The following NEDD4 variants were observed in gnomAD, a reference collection of about 807,000 sequenced individuals.
The protein encoded by NEDD4 is NEDD4 E3 ubiquitin protein ligase.
NEDD4 carries 99 observed loss-of-function variants against 144.9 expected under a neutral mutation model. The observed-to-expected ratio is 0.68, with a 90% CI of 0.58 to 0.81. NEDD4 has a LOEUF of 0.81. Among genes scored for constraint, NEDD4 ranks in the 30% least tolerant of loss-of-function variants. The pLI is 0.00. For synonymous variants in NEDD4, 318 were observed against 350.6 expected, an observed-to-expected ratio of 0.91 and a Z score of 1.04; for missense variants, 985 against 1,065.9, an observed-to-expected ratio of 0.92 and a Z score of 1.06.
intron 11 of NEDD4, among the ~76,000 whole-genome samples, chr15:55,857,543 G>A (rs1219578019): frequency 3.9e-5 from 6 of 152,042 alleles, no homozygotes; most frequent in Non-Finnish European, 7.4e-5. Flanking sequence ...GGCTGGTCTC[G>A]AACTCCTAAC....
intron 5 of NEDD4, among the ~76,000 whole-genome samples, chr15:55,915,094 A>C (rs2036393362): frequency 6.6e-6 from 1 of 152,146 alleles, no homozygotes; most frequent in African/African-American, 2.4e-5. Context: ...CTGGTAAAAT[A>C]ACAAATAGAG....
chr15:55,870,514 C>T (rs183597267), intron 7 of NEDD4, among the ~76,000 whole-genome samples: 1,092 of 94,174 alleles, frequency 0.012, 15 homozygotes, highest in African/African-American at 0.032. Context: ...CTTTTTTTTT[C>T]TTCTTCTTCT....
intron 2 of NEDD4, among the ~76,000 whole-genome samples, chr15:55,956,367 A>G (rs1417106198): frequency 1.3e-5 from 2 of 152,084 alleles, no homozygotes; most frequent in Non-Finnish European, 2.9e-5. Context: ...GGTACTGTTC[A>G]CGTAAACTTT....
intron 2 of NEDD4, among the ~76,000 whole-genome samples, chr15:55,965,747 G>T (rs867409129): frequency 1.3e-5 from 2 of 152,044 alleles, no homozygotes; most frequent in Non-Finnish European, 1.5e-5. Context: ...TGTTGCCCAG[G>T]CTAGAGTGCA....
intron 5 of NEDD4, among the ~76,000 whole-genome samples, chr15:55,922,228 T>C (rs545524681): frequency 1.3e-5 from 2 of 152,286 alleles, no homozygotes; most frequent in East Asian, 1.9e-4. Flanking sequence ...TTTCAGAATA[T>C]AGAAAATTAT....
chr15:55,916,359 T>C, intron 5 of NEDD4: 2 of 1,614,050 alleles, frequency 1.2e-6, no homozygotes, highest in Non-Finnish European at 8.5e-7. Flanking sequence ...AGACCCATTA[T>C]CACTGGTTGA....
intron 1 of NEDD4, among the ~76,000 whole-genome samples, chr15:55,981,729 A>G (rs541090896): frequency 5.9e-5 from 9 of 152,318 alleles, no homozygotes; most frequent in African/African-American, 1.9e-4. Context: ...GAAATTTGTT[A>G]CATATGCAAA....
At chr15:55,927,077 C>CAAAAAA (rs57940091) in intron 4 of NEDD4, among the ~76,000 whole-genome samples, 8 of 70,626 alleles carry the variant, frequency 1.1e-4, no homozygotes, top group South Asian at 5.6e-4. Flanking sequence ...GACTACGTCT[C>CAAAAAA]AAAAAAAAAA....
At chr15:55,945,200 A>G (rs1211694744) in intron 4 of NEDD4, among the ~76,000 whole-genome samples, 1 of 152,188 alleles carries the variant, frequency 6.6e-6, no homozygotes, top group African/African-American at 2.4e-5. Context: ...GAAGGTCGGT[A>G]AAAACAAACT....
intron 24 of NEDD4, among the ~76,000 whole-genome samples, chr15:55,836,549 G>A (rs573417972): frequency 2.2e-4 from 34 of 151,578 alleles, no homozygotes; most frequent in African/African-American, 7.7e-4. Context: ...TTTTTGAGAC[G>A]GAGTCTCGCT....
At position 55,914,060 on chromosome 15, in the gene NEDD4, A is replaced by T. The variant is rs190312947; in HGVS notation, c.291+10586T>A. 5.9e-5 allele frequency among the ~76,000 whole-genome samples: 9 copies of T among 151,976 alleles called. No homozygotes were observed. The East Asian group carries it at 7.7e-4, about 13-fold the overall frequency. On this transcript the variant is annotated intron_variant, in intron 5 of 28. Transcript: ENST00000435532. ...ATTATAGATCAGAATTTGAAATCTG[A>T]TCTTTTTTTATCCTTAGTAAAGTAG...
intron 1 of NEDD4, among the ~76,000 whole-genome samples, chr15:55,967,105 GA>G (rs1206713961): frequency 6.6e-6 from 1 of 152,106 alleles, no homozygotes; most frequent in East Asian, 1.9e-4. Context: ...GGCTGGTCTC[GA>G]ACTCCTGACC....
intron 18 of NEDD4, among the ~76,000 whole-genome samples, chr15:55,846,080 C>T (rs111229634): frequency 7.9e-4 from 120 of 152,120 alleles, no homozygotes; most frequent in African/African-American, 2.7e-3. Context: ...AGCTACTGCA[C>T]CTGGCCCACA....
rs2038019280 is a variant in NEDD4, at chr15:55,993,341, C to A, written c.45+170G>T. On this transcript the variant is annotated intron_variant, in intron 1 of 28. Transcript: ENST00000435532. ...CAGCGAGCCCCCAGCGCCCGCGCGC[C>A]GAGCCGCCCCCACAGTCCCCGCGGC... 2.6e-5 allele frequency among the ~76,000 whole-genome samples: 4 copies of A among 152,248 alleles called. No individual in the cohort carries two copies. In the South Asian group the frequency reaches 8.3e-4, roughly 32 times the overall value.
At chr15:55,886,071 C>T (rs930659808) in intron 5 of NEDD4, among the ~76,000 whole-genome samples, 30 of 152,010 alleles carry the variant, frequency 2.0e-4, no homozygotes, top group African/African-American at 7.0e-4. Context: ...ATAAAATAGA[C>T]TTCAAGACAA....
intron 5 of NEDD4, among the ~76,000 whole-genome samples, chr15:55,909,309 T>TA (rs1489005813): frequency 6.6e-6 from 1 of 152,204 alleles, no homozygotes; most frequent in Non-Finnish European, 1.5e-5. Flanking sequence ...GCTTCAATCT[T>TA]AGTGTGGGTA....
intron 5 of NEDD4, among the ~76,000 whole-genome samples, chr15:55,919,377 T>C (rs756775068): frequency 1.8e-4 from 28 of 152,170 alleles, no homozygotes; most frequent in Non-Finnish European, 3.5e-4. Flanking sequence ...AGAATGACGT[T>C]TGAAAAATTT....
At chr15:55,850,042 C>A (rs12898478) in intron 14 of NEDD4, among the ~76,000 whole-genome samples, 10,079 of 152,156 alleles carry the variant, frequency 0.066, 432 homozygotes, top group Non-Finnish European at 0.098. Context: ...CTCGTGATCT[C>A]CCCCCTCGGC....
chr15:55,985,483 G>C (rs1317710230), intron 1 of NEDD4, among the ~76,000 whole-genome samples: 4 of 152,212 alleles, frequency 2.6e-5, no homozygotes, highest in African/African-American at 7.2e-5. Flanking sequence ...GGCATCCAAG[G>C]ATGTGAAGAG....
Sources: allele counts gnomAD v4.1 joint callset (sites outside exome capture counted in the v4.1 genomes callset), GRCh38; gene constraint gnomAD v4.1.1; transcripts MANE v1.5; gene names NCBI Gene and HGNC (gene_info 2026-07-23, HGNC 2026-07-21).